PIWIL4: variants seen among roughly 807,000 people sequenced by gnomAD.
PIWIL4 encodes piwi like RNA-mediated gene silencing 4.
PIWIL4 carries 50 observed loss-of-function variants against 100.9 expected under a neutral mutation model. That is an observed-to-expected ratio of 0.50 (90% CI 0.39 to 0.63). The LOEUF (loss-of-function observed/expected upper bound fraction) is 0.63. PIWIL4 is among the 20% of genes least tolerant of loss of function. The pLI is 0.00. For missense variants in PIWIL4, 887 were observed against 1,043.3 expected (o/e 0.85, Z 2.06); for synonymous variants, 342 against 367.5 (o/e 0.93, Z 0.79).
chr11:94,585,525 A>G lies in PIWIL4; in HGVS notation c.716A>G (p.Lys239Arg). ...PSEPMEIPQHKLSLWPGFAIS... is the reference protein window; with the variant it reads ...PSEPMEIPQHRLSLWPGFAIS... ...GAGCCAATGGAAATTCCCCAGCACA[A>G]GTAGGTTTATTTATATTTTCTGTTA... The change falls in exon 6 of 20, where the codon AAA becomes AGA. Residue 239 changes from lysine to arginine, a missense_variant and splice_region_variant. Lys to Arg is a conservative substitution (Grantham distance 26). Coordinates refer to ENST00000299001, the MANE Select transcript of PIWIL4 (RefSeq NM_152431.3). The G allele has an allele frequency of 6.3e-7, 1 of 1,599,644 alleles. No individual in the cohort carries two copies. The highest frequency in any genetic ancestry group is 1.1e-5 in the South Asian group (1 of 88,556).
At chr11:94,617,324 C>G (rs560462756) in intron 16 of PIWIL4, among the ~76,000 whole-genome samples, 1 of 150,708 alleles carries the variant, frequency 6.6e-6, no homozygotes, top group Admixed American at 6.6e-5. Context: ...CCCCTCACAT[C>G]GAAACCTGGT....
intron 10 of PIWIL4, among the ~76,000 whole-genome samples, chr11:94,596,716 A>T (rs1006771533): frequency 6.6e-6 from 1 of 152,114 alleles, no homozygotes; most frequent in African/African-American, 2.4e-5. Context: ...TTCCTGATGC[A>T]TCTATCTGCC....
chr11:94,617,870 T>C (rs762959008), intron 16 of PIWIL4, 84 bp from the exon 17 acceptor site: 29 of 1,478,462 alleles, frequency 2.0e-5, no homozygotes, highest in Non-Finnish European at 2.7e-5. Context: ...AGCAAACCCA[T>C]TTAAACACTG....
intron 6 of PIWIL4, among the ~76,000 whole-genome samples, chr11:94,586,226 A>C (rs1196527613): frequency 6.6e-6 from 1 of 151,960 alleles, no homozygotes; most frequent in East Asian, 1.9e-4. Context: ...CCTTGTCACT[A>C]ATCTGTCCAC....
chr11:94,601,810 G>T lies in PIWIL4; in HGVS notation c.1396G>T (p.Ala466Ser). The change falls in exon 12 of 20, where the codon GCT becomes TCT. Residue 466 changes from alanine to serine, a missense_variant. Coordinates refer to ENST00000299001, the MANE Select transcript of PIWIL4 (RefSeq NM_152431.3). The part of the protein sequence containing the change: ...MQDHICQPVS[A>S]ADWSKDIRTC... ...TTTTTCTCAGTGTCAACCTGTGTCT[G>T]CTGCTGACTGGTCCAAGGATATTCG... 6.2e-7 allele frequency: 1 copy of T among 1,613,714 alleles called. No homozygotes were observed. The highest frequency in any genetic ancestry group is 1.1e-5 in the South Asian group (1 of 91,010).
chr11:94,620,910 C>T lies in PIWIL4; in HGVS notation c.2477C>T (p.Ala826Val), dbSNP rs779198054. 4 of 1,613,722 alleles carry T rather than the reference C, an allele frequency of 2.5e-6. No homozygotes were observed. The Admixed American group carries it at 6.7e-5, about 27-fold the overall frequency. ...IVSVPAPCQYAHKLTFLVAQS... is the reference protein window; with the variant it reads ...IVSVPAPCQYVHKLTFLVAQS... The stretch of plus-strand genomic sequence containing the variant: ...AGTGTCCCAGCACCATGTCAGTATG[C>T]TCACAAGCTGACCTTTCTGGTGGCA... The change falls in exon 20 of 20, where the codon GCT (alanine) becomes GTT (valine). Residue 826 changes from alanine to valine, a missense_variant. Ala to Val is a moderately conservative substitution (Grantham distance 64). This residue lies in a region of PIWIL4 where 741 missense variants were observed against 930.0 expected (regional missense o/e 0.80). Transcript: ENST00000299001.
intron 2 of PIWIL4, among the ~76,000 whole-genome samples, chr11:94,574,789 G>A (rs1948215392): frequency 6.6e-6 from 1 of 152,180 alleles, no homozygotes; most frequent in Admixed American, 6.5e-5. Context: ...GCCAAGATCT[G>A]TTATTTTTAA....
intron 10 of PIWIL4, 86 bp downstream of exon 10, chr11:94,595,512 A>G (rs1948545203): frequency 9.6e-7 from 1 of 1,043,720 alleles, no homozygotes; most frequent in Admixed American, 2.1e-5. Context: ...CCTTGAAGGA[A>G]ATGTGTCATT....
At chr11:94,568,672 C>G in intron 1 of PIWIL4, 58 bp from the exon 2 acceptor site, 1 of 1,343,608 alleles carries the variant, frequency 7.4e-7, no homozygotes, top group Non-Finnish European at 1.1e-6. Flanking sequence ...TTAGGATAAT[C>G]TTTTGGTTTG....
In PIWIL4 at chr11:94,575,074, T is replaced by C. The variant is rs952780633; in HGVS notation, c.242T>C (p.Met81Thr). 4 of 1,614,020 alleles carry C rather than the reference T, an allele frequency of 2.5e-6. No individual in the cohort carries two copies. Among genetic ancestry groups the C allele is most frequent in the Non-Finnish European group, 3.4e-6 (4 of 1,179,932 alleles). The part of the protein sequence containing the change: ...ERGVKNKQDF[M>T]DLSICTREKL... Reference sequence around the variant, plus strand: ...GGTGTGAAAAACAAACAGGACTTTATGGATTTGAGTATCTGTACCAGAGAA... The same window carrying C: ...GGTGTGAAAAACAAACAGGACTTTACGGATTTGAGTATCTGTACCAGAGAA... Residue 81 changes from methionine (M) to threonine (T), a missense_variant, in exon 3 of 20, where the codon ATG (methionine) becomes ACG (threonine). By Grantham distance (81) the Met-to-Thr change is moderately conservative (BLOSUM62 -1). Transcript: ENST00000299001.
intron 10 of PIWIL4, among the ~76,000 whole-genome samples, chr11:94,597,291 A>C (rs529186253): frequency 1.3e-5 from 2 of 152,338 alleles, no homozygotes; most frequent in Non-Finnish European, 2.9e-5. Context: ...TATTCACAAA[A>C]GACATCTCCA....
At chr11:94,606,678 G>GA (rs1183437667) in intron 13 of PIWIL4, among the ~76,000 whole-genome samples, 6 of 151,940 alleles carry the variant, frequency 3.9e-5, no homozygotes, top group African/African-American at 1.5e-4. Flanking sequence ...ACTAAAATTA[G>GA]AAAAAATTAG....
At chr11:94,614,300 C>CTTTTTTT (rs57731239) in intron 15 of PIWIL4, among the ~76,000 whole-genome samples, 86 of 120,052 alleles carry the variant, frequency 7.2e-4, no homozygotes, top group African/African-American at 9.3e-4. Flanking sequence ...TTTTTCTTTT[C>CTTTTTTT]TTTTTTTTTT....
chr11:94,580,574 C>A (rs1948297693), intron 4 of PIWIL4, among the ~76,000 whole-genome samples: 1 of 152,158 alleles, frequency 6.6e-6, no homozygotes, highest in South Asian at 2.1e-4. Flanking sequence ...GGTGTTGCGA[C>A]CATGGAGCAA....
At chr11:94,589,294 T>A in intron 8 of PIWIL4, 62 bp downstream of exon 8, 1 of 1,413,260 alleles carries the variant, frequency 7.1e-7, no homozygotes, top group East Asian at 2.3e-5. Flanking sequence ...GTCTCCTTAT[T>A]CCAAGTCTCA....
chr11:94,593,991 T>C (rs1332150749), intron 9 of PIWIL4, among the ~76,000 whole-genome samples: 1 of 152,206 alleles, frequency 6.6e-6, no homozygotes, highest in Non-Finnish European at 1.5e-5. Context: ...ACTTTCTTTT[T>C]GCGTGAATTT....
At chr11:94,619,964 T>C (rs1948888746) in intron 18 of PIWIL4, 33 bp from the exon 19 acceptor site, 1 of 1,614,064 alleles carries the variant, frequency 6.2e-7, no homozygotes, top group South Asian at 1.1e-5. Flanking sequence ...CTGTTTGCCT[T>C]CTTTCCTACA....
chr11:94,612,904 G>A (rs1280995725), intron 15 of PIWIL4, among the ~76,000 whole-genome samples: 1 of 151,922 alleles, frequency 6.6e-6, no homozygotes, highest in East Asian at 1.9e-4. Flanking sequence ...TTGTGTAGCT[G>A]TTTTTATTAA....
At chr11:94,581,647 T>G (rs1310483383) in intron 4 of PIWIL4, among the ~76,000 whole-genome samples, 4 of 151,896 alleles carry the variant, frequency 2.6e-5, no homozygotes, top group Non-Finnish European at 5.9e-5. Context: ...CAGAAGGAGG[T>G]GGGAAGAGTA....
Sources: gnomAD v4.1 joint callset for allele counts (sites outside exome capture counted in the v4.1 genomes callset) on GRCh38, gnomAD v4.1.1 for gene constraint, gnomAD v4.1.1 regional missense constraint, MANE v1.5 for transcripts, NCBI Gene and HGNC (gene_info 2026-07-23, HGNC 2026-07-21) for gene names.